Variants in RACGAP1 observed in about 807,000 individuals in gnomAD.
The protein encoded by RACGAP1 is rac GTPase-activating protein 1.
In RACGAP1, 30 loss-of-function variants were observed where a neutral mutation model predicts 78.1. The observed-to-expected ratio is 0.38, with a 90% CI of 0.29 to 0.52. RACGAP1 has a LOEUF of 0.52. RACGAP1 is among the 20% of genes least tolerant of loss of function. The probability of loss-of-function intolerance (pLI) is 0.82; values close to 1 mark genes in which losing one functional copy is unlikely to be tolerated. For synonymous variants in RACGAP1, 231 were observed against 264.8 expected, an observed-to-expected ratio of 0.87 and a Z score of 1.24; for missense variants, 587 against 777.1, an observed-to-expected ratio of 0.76 and a Z score of 2.91.
upstream of RACGAP1, among the ~76,000 whole-genome samples, chr12:50,028,075 T>C (rs1950297024): frequency 6.6e-6 from 1 of 152,164 alleles, no homozygotes; most frequent in Non-Finnish European, 1.5e-5. Context: ...CTGACTTGAC[T>C]GATTTGTCTT....
chr12:50,008,528 T>C (rs1300561082), intron 2 of RACGAP1, among the ~76,000 whole-genome samples: 2 of 151,476 alleles, frequency 1.3e-5, no homozygotes, highest in Non-Finnish European at 2.9e-5. Context: ...AGTCTTCCTC[T>C]GTCACCCAGA....
chr12:50,032,029 C>T (rs951799691), intron 1 of RACGAP1, among the ~76,000 whole-genome samples: 1 of 152,018 alleles, frequency 6.6e-6, no homozygotes. Flanking sequence ...TGCCTGTAGT[C>T]CCAGCTACTT....
At chr12:50,027,980 A>G (rs1206743443), upstream of RACGAP1, among the ~76,000 whole-genome samples, 1 of 152,156 alleles carries the variant, frequency 6.6e-6, no homozygotes, top group Non-Finnish European at 1.5e-5. Context: ...AAAAGGAGAG[A>G]CTGGCAAAGT....
At chr12:49,994,069 A>G in intron 12 of RACGAP1, 62 bp downstream of exon 12, 2 of 1,407,590 alleles carry the variant, frequency 1.4e-6, no homozygotes, top group South Asian at 2.6e-5. Flanking sequence ...AAAAAAATAA[A>G]GAGAGTAAGA....
chr12:50,003,116 C>T (rs1250315481), intron 5 of RACGAP1, among the ~76,000 whole-genome samples: 1 of 151,186 alleles, frequency 6.6e-6, no homozygotes, highest in Admixed American at 6.6e-5. Flanking sequence ...TTATTGTGGT[C>T]TCATTTCAAT....
Position 49,994,343 on chromosome 12 carries a change from G to T in RACGAP1, c.1141-14C>A. 1.2e-6 allele frequency: 2 copies of T among 1,612,614 alleles called. No individual in the cohort carries two copies. The highest frequency in any genetic ancestry group is 1.7e-6 in the Non-Finnish European group (2 of 1,179,624). On this transcript the variant is annotated splice_polypyrimidine_tract_variant and intron_variant, in intron 11 of 16. Transcript: ENST00000312377. ...ATACAGGCCTGTCTATTATCAAGAT[G>T]ACATTTTTATTTAAAAACCTCCGAA...
chr12:49,995,373 A>ACAAAACAAAC, intron 10 of RACGAP1, among the ~76,000 whole-genome samples: 1 of 151,984 alleles, frequency 6.6e-6, no homozygotes, highest in African/African-American at 2.4e-5. Flanking sequence ...ACAAAACAAA[A>ACAAAACAAAC]CAAAACAAAA....
intron 1 of RACGAP1, among the ~76,000 whole-genome samples, chr12:50,020,699 T>C (rs888308890): frequency 3.9e-5 from 6 of 152,152 alleles, no homozygotes; most frequent in Non-Finnish European, 8.8e-5. Flanking sequence ...AACCATAACA[T>C]GTCATACAAA....
At chr12:50,004,016 C>T (rs574092943) in intron 5 of RACGAP1, among the ~76,000 whole-genome samples, 2 of 152,280 alleles carry the variant, frequency 1.3e-5, no homozygotes, top group South Asian at 4.1e-4. Flanking sequence ...CAACTTATGC[C>T]AAATTCTGAA....
chr12:49,992,087 A>C lies in RACGAP1; in HGVS notation c.1625T>G (p.Phe542Cys). ...AATGTTCTCTTGCTCCACCATCATG[A>C]ACTGACTCCAATACTCCAGAGGCAA... ...LSLPLEYWSQ[F>C]MMVEQENIDP... The change falls in exon 15 of 17, where the codon TTC becomes TGC. Residue 542 changes from phenylalanine (F) to cysteine (C), a missense_variant. Physicochemically the swap from Phe to Cys is radical, Grantham distance 205. Transcript: ENST00000312377. The C allele has an allele frequency of 6.2e-7, 1 of 1,614,146 alleles. No individual in the cohort carries two copies. Among genetic ancestry groups the C allele is most frequent in the East Asian group, 2.2e-5 (1 of 44,880 alleles).
At chr12:50,032,566 T>TGTGTGTGTGA (rs1491208086) in intron 1 of RACGAP1, among the ~76,000 whole-genome samples, 9 of 141,048 alleles carry the variant, frequency 6.4e-5, no homozygotes, top group African/African-American at 2.2e-4. Flanking sequence ...TGTGTGTGTG[T>TGTGTGTGTGA]GAAGCGGGGT....
chr12:50,017,492 T>TA lies in RACGAP1; in HGVS notation c.-4-774dup, dbSNP rs915456357. On this transcript the variant is annotated intron_variant, in intron 1 of 16. Transcript: ENST00000312377. The stretch of plus-strand genomic sequence containing the variant: ...GTATTTCCCCTCAAAGGCCTGCTGA[T>TA]ACTATAGAAAAAACAGTGTCGTTAC... Among the ~76,000 whole-genome samples the TA allele has an allele frequency of 4.5e-4, 69 of 152,316 alleles. 1 individual carries two copies. The highest frequency in any genetic ancestry group is 1.5e-3 in the African/African-American group (64 of 41,576).
At chr12:50,015,387 G>A (rs534507056) in intron 2 of RACGAP1, among the ~76,000 whole-genome samples, 14 of 152,248 alleles carry the variant, frequency 9.2e-5, no homozygotes, top group Non-Finnish European at 1.9e-4. Context: ...AAGAAATTAT[G>A]GACTGGGCCT....
intron 10 of RACGAP1, among the ~76,000 whole-genome samples, chr12:49,996,669 T>A (rs867282626): frequency 0.19 from 8,536 of 44,668 alleles, 959 homozygotes; most frequent in African/African-American, 0.33. Context: ...AAAAAAAAAA[T>A]GGACACAAGT....
At chr12:50,028,539 C>A (rs527304043), upstream of RACGAP1, among the ~76,000 whole-genome samples, 2 of 152,084 alleles carry the variant, frequency 1.3e-5, no homozygotes, top group Non-Finnish European at 1.5e-5. Flanking sequence ...GAGGCCGAGG[C>A]CTGTGGATCT....
intron 10 of RACGAP1, among the ~76,000 whole-genome samples, chr12:49,996,140 C>T (rs985047385): frequency 2.0e-5 from 3 of 151,778 alleles, no homozygotes; most frequent in Admixed American, 6.6e-5. Flanking sequence ...GGCAAAACCC[C>T]GTCTCTACTA....
upstream of RACGAP1, among the ~76,000 whole-genome samples, chr12:50,029,215 C>CAA (rs1223077511): frequency 1.4e-5 from 1 of 72,668 alleles, no homozygotes; most frequent in Non-Finnish European, 3.0e-5. Flanking sequence ...GACTCCATCT[C>CAA]AAAAAAAAAA....
chr12:50,016,156 C>T (rs184702401), intron 2 of RACGAP1, among the ~76,000 whole-genome samples: 1 of 152,002 alleles, frequency 6.6e-6, no homozygotes, highest in Non-Finnish European at 1.5e-5. Context: ...CCGAGGCGGG[C>T]GGATCACCTG....
chr12:50,021,054 T>C (rs1949980075), intron 1 of RACGAP1: 1 of 944,652 alleles, frequency 1.1e-6, no homozygotes, highest in African/African-American at 1.8e-5. Flanking sequence ...AAGCTAAAAT[T>C]TACTCACCCT....
Sources: gnomAD v4.1 joint callset for allele counts (sites outside exome capture counted in the v4.1 genomes callset) on GRCh38, gnomAD v4.1.1 for gene constraint, MANE v1.5 for transcripts, NCBI Gene and HGNC (gene_info 2026-07-23, HGNC 2026-07-21) for gene names.